The following NALCN variants were observed in gnomAD, a reference collection of about 807,000 sequenced individuals.
NALCN encodes the protein sodium leak channel NALCN.
A neutral mutation model predicts 225.3 loss-of-function variants in NALCN; 111 were observed. The observed-to-expected ratio is 0.49, with a 90% confidence interval of 0.42 to 0.58. The LOEUF (loss-of-function observed/expected upper bound fraction) is 0.58, where lower values mean the gene tolerates loss of function less well. NALCN is among the 20% of genes least tolerant of loss of function. The probability of loss-of-function intolerance (pLI) is 0.00; values close to 1 mark genes in which losing one functional copy is unlikely to be tolerated. For missense variants in NALCN, 1,378 were observed against 2,202.4 expected, an observed-to-expected ratio of 0.63 and a Z score of 7.49; for synonymous variants, 764 against 769.0, an observed-to-expected ratio of 0.99 and a Z score of 0.11.
chr13:101,339,270 T>A (rs2045481813), intron 7 of NALCN, among the ~76,000 whole-genome samples: 1 of 152,228 alleles, frequency 6.6e-6, no homozygotes, highest in African/African-American at 2.4e-5. Flanking sequence ...CCACCCATAC[T>A]GCAATCACGG....
chr13:101,103,286 T>A lies in NALCN; in HGVS notation c.2943A>T (p.Gly981=), dbSNP rs1436436193. The A allele has an allele frequency of 2.5e-6, 4 of 1,613,720 alleles. No homozygotes were observed. In the African/African-American group the frequency reaches 5.3e-5, roughly 22 times the overall value. ...WMPQNVPAES[G]AQLLMVLRCL... is the part of the protein sequence containing the mutation. ...ACCGAAGGACCATTAGAAGCTGAGCTCCCGATTCAGCAGGTACATTTTGAG... is the reference window on the plus strand; with the variant it reads ...ACCGAAGGACCATTAGAAGCTGAGCACCCGATTCAGCAGGTACATTTTGAG... Residue 981 remains glycine, a synonymous_variant, in exon 26 of 44, where the codon GGA becomes GGT. Coordinates refer to ENST00000251127, the MANE Select transcript of NALCN (RefSeq NM_052867.4).
At chr13:101,249,541 T>C (rs2042000653) in intron 11 of NALCN, among the ~76,000 whole-genome samples, 1 of 152,202 alleles carries the variant, frequency 6.6e-6, no homozygotes, top group African/African-American at 2.4e-5. Flanking sequence ...GCTTATTGGA[T>C]TTGTTTATTA....
chr13:101,237,738 G>A lies in NALCN; in HGVS notation c.1434+17C>T, dbSNP rs374578616. 6.5e-7 allele frequency: 1 copy of A among 1,528,242 alleles called. No homozygotes were observed. Among genetic ancestry groups the A allele is most frequent in the African/African-American group, 1.4e-5 (1 of 70,848 alleles). 94.7% of individuals were successfully genotyped at this position (1,528,242 alleles called of 1,614,324 possible). On this transcript the variant is annotated intron_variant, in intron 12 of 43. Coordinates refer to ENST00000251127, the MANE Select transcript of NALCN (RefSeq NM_052867.4). The stretch of plus-strand genomic sequence containing the variant: ...ATAAATAAATTTCTAAAGACAAATA[G>A]GCATTATTTTTATTACCTGAAAGTA...
At chr13:101,343,114 AT>A (rs1292978143) in intron 7 of NALCN, among the ~76,000 whole-genome samples, 1 of 152,288 alleles carries the variant, frequency 6.6e-6, no homozygotes, top group East Asian at 1.9e-4. Flanking sequence ...CTAATAAAAT[AT>A]TTTATTTTCC....
Position 101,115,066 on chromosome 13 carries a change from C to T in NALCN, c.2193-3840G>A, listed in dbSNP as rs17677892. ...GTGGAATGAATGAACCTTGAAATTC[C>T]GTGAAGATCAAATATTTTCTTTTCT... On this transcript the variant is annotated intron_variant, in intron 18 of 43. Coordinates refer to ENST00000251127, the MANE Select transcript of NALCN (RefSeq NM_052867.4). Among the ~76,000 whole-genome samples the T allele has an allele frequency of 3.1e-3, 471 of 152,216 alleles. 10 individuals are homozygous for T. In the East Asian group the frequency reaches 0.042, roughly 14 times the overall value.
chr13:101,243,078 G>A (rs1384371433), intron 11 of NALCN, among the ~76,000 whole-genome samples: 1 of 74,032 alleles, frequency 1.4e-5, no homozygotes, highest in African/African-American at 5.2e-5. Context: ...AGCTCTTTCA[G>A]TTTGCAGATT....
In NALCN at chr13:101,114,383, C is replaced by T. The variant is rs114842987; in HGVS notation, c.2193-3157G>A. Among the ~76,000 whole-genome samples the T allele has an allele frequency of 4.5e-3, 685 of 152,106 alleles. 5 individuals are homozygous for T. Among genetic ancestry groups the T allele is most frequent in the African/African-American group, 0.015 (633 of 41,494 alleles). On this transcript the variant is annotated intron_variant, in intron 18 of 43. Coordinates refer to ENST00000251127, the MANE Select transcript of NALCN (RefSeq NM_052867.4). ...TATTATTTCCTGTTGTATCTTTTCC[C>T]GCGTCATGGTGGATGTTATAACACT... is the stretch of plus-strand genomic sequence containing the variant.
chr13:101,094,042 G>A (rs2034373058), intron 28 of NALCN, among the ~76,000 whole-genome samples: 1 of 152,214 alleles, frequency 6.6e-6, no homozygotes, highest in Non-Finnish European at 1.5e-5. Context: ...CCCCTCTCCA[G>A]CCCAGGAGTG....
chr13:101,257,749 G>A (rs2893055), intron 11 of NALCN, among the ~76,000 whole-genome samples: 1 of 150,990 alleles, frequency 6.6e-6, no homozygotes, highest in Non-Finnish European at 1.5e-5. Context: ...ATATATTTTA[G>A]GTAAGTTTTT....
intron 40 of NALCN, 39 bp downstream of exon 40, chr13:101,065,365 T>G: frequency 1.2e-6 from 2 of 1,608,938 alleles, no homozygotes; most frequent in Non-Finnish European, 1.7e-6. Flanking sequence ...AGCTGTGGTT[T>G]CTGGCCCCCA....
chr13:101,083,560 G>C (rs61973976), intron 31 of NALCN, 151 bp downstream of exon 31: 11,427 of 689,532 alleles, frequency 0.017, 141 homozygotes, highest in Non-Finnish European at 0.023. Flanking sequence ...TAGCCTTATG[G>C]AGAGATCTGT....
chr13:101,352,985 C>T (rs184895638), intron 6 of NALCN, among the ~76,000 whole-genome samples: 2 of 152,128 alleles, frequency 1.3e-5, no homozygotes, highest in African/African-American at 2.4e-5. Context: ...AAATAAGTAG[C>T]CCAACAAATC....
chr13:101,170,345 C>G (rs560359839), intron 15 of NALCN, among the ~76,000 whole-genome samples: 2 of 152,228 alleles, frequency 1.3e-5, no homozygotes, highest in South Asian at 4.1e-4. Context: ...CTTTCCTCCA[C>G]CTTTTTGTTC....
intron 1 of NALCN, among the ~76,000 whole-genome samples, chr13:101,409,475 C>T (rs914767604): frequency 6.6e-6 from 1 of 152,164 alleles, no homozygotes; most frequent in South Asian, 2.1e-4. Context: ...CAGCCCCTGG[C>T]CACCACCGTC....
At chr13:101,279,643 C>T (rs1296506519) in intron 10 of NALCN, among the ~76,000 whole-genome samples, 1 of 146,316 alleles carries the variant, frequency 6.8e-6, no homozygotes, top group Non-Finnish European at 1.5e-5. Flanking sequence ...GGTGAAACCC[C>T]GTCTCTACTA....
intron 17 of NALCN, among the ~76,000 whole-genome samples, chr13:101,126,472 CTGAAAGAGT>C (rs2036235895): frequency 1.3e-5 from 2 of 151,516 alleles, no homozygotes; most frequent in South Asian, 2.1e-4. Context: ...TTCTCCCCTC[CTGAAAGAGT>C]TGACTTTTGG....
intron 7 of NALCN, among the ~76,000 whole-genome samples, chr13:101,334,007 A>G (rs2045276723): frequency 6.6e-6 from 1 of 152,218 alleles, no homozygotes; most frequent in Non-Finnish European, 1.5e-5. Flanking sequence ...AAGGCAATCT[A>G]TCAAATATAA....
Position 101,416,301 on chromosome 13 carries a change from G to C in NALCN, c.-40+12C>G, listed in dbSNP as rs1003004493. The C allele has an allele frequency of 3.0e-4, 46 of 152,170 alleles. No homozygotes were observed. Among genetic ancestry groups the C allele is most frequent in the African/African-American group, 1.1e-3 (45 of 41,528 alleles). The allele number at this position is 152,170 out of a possible 1,614,324, so 9.4% of individuals were successfully genotyped here. On this transcript the variant is annotated intron_variant, in intron 1 of 43. Transcript: ENST00000251127. ...CGCCGCAGCCTCCCGGGCACCGGCG[G>C]CGGTGACCAACCTGTAACCCCAGCG... is the stretch of plus-strand genomic sequence containing the variant.
At chr13:101,136,992 A>T (rs1399020685) in intron 17 of NALCN, among the ~76,000 whole-genome samples, 1 of 152,192 alleles carries the variant, frequency 6.6e-6, no homozygotes, top group African/African-American at 2.4e-5. Context: ...AATGATCGCC[A>T]TTCTAACTGG....
Sources: gnomAD v4.1 joint callset for allele counts (sites outside exome capture counted in the v4.1 genomes callset) on GRCh38, gnomAD v4.1.1 for gene constraint, MANE v1.5 for transcripts, NCBI Gene and HGNC (gene_info 2026-07-23, HGNC 2026-07-21) for gene names.